Variants in BLTP1 observed in about 807,000 individuals in gnomAD.
BLTP1 encodes fragile site-associated protein.
At chr4:122,228,880 A>G in the BLTP1 span, among the ~76,000 whole-genome samples, 4 of 152,144 alleles carry the variant, frequency 2.6e-5, no homozygotes, top group South Asian at 2.1e-4. Flanking sequence ...TAGACTTGCT[A>G]TTTGCCCCTT....
the BLTP1 span, chr4:122,311,015 T>C: frequency 2.3e-6 from 1 of 433,460 alleles, no homozygotes; most frequent in African/African-American, 2.1e-5. Context: ...TTTGTTTTTT[T>C]AATAAAAGAC....
chr4:122,207,505 CT>C, the BLTP1 span: 1 of 1,407,292 alleles, frequency 7.1e-7, no homozygotes, highest in Non-Finnish European at 9.4e-7. Context: ...AGTAAATTTA[CT>C]TTTTCTTCTT....
the BLTP1 span, chr4:122,343,464 C>G: frequency 6.2e-7 from 1 of 1,614,054 alleles, no homozygotes. Context: ...AGTAGTCAGT[C>G]AGACCTGACC....
At chr4:122,186,418 G>C in the BLTP1 span, among the ~76,000 whole-genome samples, 1 of 151,836 alleles carries the variant, frequency 6.6e-6, no homozygotes, top group South Asian at 2.1e-4. Flanking sequence ...AAAAAGTCCC[G>C]TTCTATTCCC....
the BLTP1 span, chr4:122,293,171 TG>T: frequency 1.0e-6 from 1 of 982,728 alleles, no homozygotes; most frequent in Middle Eastern, 5.2e-4. Context: ...AAATAAAACT[TG>T]ATTGACACAA....
the BLTP1 span, chr4:122,207,614 A>T: frequency 6.2e-7 from 1 of 1,607,468 alleles, no homozygotes; most frequent in Non-Finnish European, 8.5e-7. Flanking sequence ...TTCCAGCTAC[A>T]TGTAATACCA....
chr4:122,192,154 G>A, the BLTP1 span: 1 of 1,500,116 alleles, frequency 6.7e-7, no homozygotes, highest in Non-Finnish European at 9.0e-7. Context: ...AAAAATGTTG[G>A]AGCTACTGAT....
the BLTP1 span, chr4:122,181,291 C>T: frequency 1.1e-6 from 1 of 938,302 alleles, no homozygotes; most frequent in South Asian, 4.9e-5. Flanking sequence ...AAATGTGCTC[C>T]TGGCGCAGAA....
the BLTP1 span, chr4:122,202,399 G>T: frequency 8.4e-4 from 131 of 156,696 alleles, no homozygotes; most frequent in Non-Finnish European, 1.6e-3. Flanking sequence ...AACTCTCAGG[G>T]ATCAATATTA....
the BLTP1 span, chr4:122,180,181 G>A: frequency 4.1e-6 from 4 of 984,984 alleles, no homozygotes; most frequent in African/African-American, 1.7e-5. Context: ...TGTGATCCCT[G>A]TAACGTCATT....
the BLTP1 span, chr4:122,251,307 A>G: frequency 1.0e-6 from 1 of 982,472 alleles, no homozygotes; most frequent in Non-Finnish European, 1.2e-6. Context: ...TATATTTCTG[A>G]TCACTTTGAA....
At chr4:122,181,607 C>T in the BLTP1 span, among the ~76,000 whole-genome samples, 1 of 151,120 alleles carries the variant, frequency 6.6e-6, no homozygotes, top group East Asian at 1.9e-4. Context: ...GTATAAGCTG[C>T]TAATCTTGTT....
chr4:122,206,723 A>G, the BLTP1 span, among the ~76,000 whole-genome samples: 1 of 151,872 alleles, frequency 6.6e-6, no homozygotes, highest in East Asian at 1.9e-4. Context: ...ATTTGAGTTC[A>G]GTGAAAGAAG....
At chr4:122,293,981 C>A in the BLTP1 span, among the ~76,000 whole-genome samples, 1 of 152,162 alleles carries the variant, frequency 6.6e-6, no homozygotes, top group Admixed American at 6.5e-5. Flanking sequence ...AAGTGGGACT[C>A]CACTATGCCA....
At chr4:122,332,119 G>A in the BLTP1 span, among the ~76,000 whole-genome samples, 1 of 151,876 alleles carries the variant, frequency 6.6e-6, no homozygotes, top group Non-Finnish European at 1.5e-5. Flanking sequence ...TTGAGCGGAT[G>A]GGTGGAGATG....
chr4:122,181,154 C>T, the BLTP1 span: 1 of 296,468 alleles, frequency 3.4e-6, no homozygotes, highest in Non-Finnish European at 5.0e-6. Context: ...TGGTCTTTAG[C>T]TGACAATCAT....
At chr4:122,278,447 T>C in the BLTP1 span, among the ~76,000 whole-genome samples, 3 of 152,208 alleles carry the variant, frequency 2.0e-5, no homozygotes, top group African/African-American at 4.8e-5. Context: ...ATTGCTCTTG[T>C]TTGACAAGAG....
the BLTP1 span, chr4:122,344,316 C>T: frequency 2.0e-6 from 3 of 1,511,510 alleles, no homozygotes; most frequent in Non-Finnish European, 2.7e-6. Flanking sequence ...TTTCACCTAA[C>T]TAGACAGCTG....
chr4:122,188,478 A>G, the BLTP1 span, among the ~76,000 whole-genome samples: 1 of 152,240 alleles, frequency 6.6e-6, no homozygotes, highest in South Asian at 2.1e-4. Context: ...TACCACTTTG[A>G]GTTATTGAAA....
Sources: allele counts gnomAD v4.1 joint callset (sites outside exome capture counted in the v4.1 genomes callset), GRCh38; gene constraint gnomAD v4.1.1; transcripts MANE v1.5; gene names NCBI Gene and HGNC (gene_info 2026-07-23, HGNC 2026-07-21).